The following GADL1 variants were observed in gnomAD, a reference collection of about 807,000 sequenced individuals.
GADL1 encodes GAD like acidic amino acid decarboxylase 1, also known as acidic amino acid decarboxylase GADL1.
In GADL1, 71 loss-of-function variants were observed where a neutral mutation model predicts 69.5. The ratio of observed to expected loss-of-function variants is 1.02; its 90% CI spans 0.84 to 1.25. The LOEUF is 1.25. GADL1 is among the 50% of genes most tolerant of loss of function. The pLI is 0.00. For missense variants in GADL1, 737 were observed against 631.8 expected (o/e 1.17, Z -1.79); for synonymous variants, 254 against 214.4 (o/e 1.18, Z -1.62).
At chr3:30,847,564 T>G (rs1410016715) in intron 6 of GADL1, among the ~76,000 whole-genome samples, 1 of 152,178 alleles carries the variant, frequency 6.6e-6, no homozygotes, top group Non-Finnish European at 1.5e-5. Context: ...AAAATATGAA[T>G]TAAAATAGTG....
chr3:30,793,394 AT>A (rs1696962170), intron 12 of GADL1, among the ~76,000 whole-genome samples: 1 of 46,266 alleles, frequency 2.2e-5, no homozygotes, highest in Non-Finnish European at 4.1e-5. Flanking sequence ...TAATAAACTA[AT>A]CTTATACATG....
At chr3:30,846,550 G>T (rs73823931) in intron 6 of GADL1, among the ~76,000 whole-genome samples, 5,828 of 151,542 alleles carry the variant, frequency 0.038, 364 homozygotes, top group African/African-American at 0.13. Context: ...AGAGAGAACG[G>T]GGTATATAAA....
In GADL1 at chr3:30,850,955, A is replaced by G; in HGVS notation, c.429-14T>C. ...TCATACGTATAACTAGATAGATATA[A>G]AAAACACTTCACTTCTATGACTAGA... On this transcript the variant is annotated splice_polypyrimidine_tract_variant and intron_variant, in intron 4 of 14. Coordinates refer to ENST00000282538, the MANE Select transcript of GADL1 (RefSeq NM_207359.3). 2 of 1,395,764 alleles carry G rather than the reference A, an allele frequency of 1.4e-6. No homozygotes were observed. The highest frequency in any genetic ancestry group is 2.0e-6 in the Non-Finnish European group (2 of 1,006,492). The allele number at this position is 1,395,764 out of a possible 1,614,324, so 86.5% of individuals were successfully genotyped here.
intron 14 of GADL1, among the ~76,000 whole-genome samples, chr3:30,768,046 CCT>C (rs1285086128): frequency 7.1e-6 from 1 of 140,400 alleles, no homozygotes; most frequent in African/African-American, 2.7e-5. Flanking sequence ...CCCCCCCCCC[CCT>C]TATCCTTATA....
chr3:30,762,207 C>CT (rs571838143), intron 14 of GADL1, among the ~76,000 whole-genome samples: 190 of 152,182 alleles, frequency 1.2e-3, no homozygotes, highest in African/African-American at 4.5e-3. Flanking sequence ...AGAAGAGGGG[C>CT]TTGGGGTAGT....
Position 30,758,726 on chromosome 3 carries a change from A to G in GADL1, c.1392+19453T>C, listed in dbSNP as rs142717165. Reference sequence around the variant, plus strand: ...TTTCATGGTGACTCCATTCAAGAGGACTCCATTGTATTTCCATAAAGCAAG... The same window carrying G: ...TTTCATGGTGACTCCATTCAAGAGGGCTCCATTGTATTTCCATAAAGCAAG... On this transcript the variant is annotated intron_variant, in intron 14 of 14. Coordinates refer to ENST00000282538, the MANE Select transcript of GADL1 (RefSeq NM_207359.3). Among the ~76,000 whole-genome samples the G allele has an allele frequency of 6.5e-3, 997 of 152,224 alleles. 11 individuals are homozygous for G. The highest frequency in any genetic ancestry group is 0.022 in the African/African-American group (929 of 41,552).
intron 14 of GADL1, among the ~76,000 whole-genome samples, chr3:30,777,150 T>C (rs1048799742): frequency 3.9e-5 from 6 of 152,286 alleles, no homozygotes; most frequent in African/African-American, 1.4e-4. Flanking sequence ...GTGCATAGTA[T>C]AGTGGACACT....
chr3:30,889,174 G>A (rs1698751356), intron 1 of GADL1, among the ~76,000 whole-genome samples: 1 of 150,878 alleles, frequency 6.6e-6, no homozygotes, highest in African/African-American at 2.4e-5. Context: ...CATGGCGGGA[G>A]GCAAAGGAAG....
chr3:30,764,993 GA>G (rs1221050912), intron 14 of GADL1, among the ~76,000 whole-genome samples: 1 of 152,068 alleles, frequency 6.6e-6, no homozygotes, highest in African/African-American at 2.4e-5. Flanking sequence ...GGAAAAGTCT[GA>G]CAATGCAGGT....
intron 14 of GADL1, among the ~76,000 whole-genome samples, chr3:30,747,578 A>G (rs1695726285): frequency 6.6e-6 from 1 of 152,208 alleles, no homozygotes; most frequent in Non-Finnish European, 1.5e-5. Flanking sequence ...GACAGTCTCC[A>G]ATATATTTTC....
At chr3:30,798,665 C>T (rs1575210773) in intron 12 of GADL1, 1 of 152,130 alleles carries the variant, frequency 6.6e-6, no homozygotes, top group East Asian at 1.9e-4. Context: ...CCCAACAGTC[C>T]CCTAAAGTCT....
intron 1 of GADL1, among the ~76,000 whole-genome samples, chr3:30,885,026 C>T (rs1698685046): frequency 6.6e-6 from 1 of 152,010 alleles, no homozygotes; most frequent in African/African-American, 2.4e-5. Context: ...GCTCTCCTGA[C>T]AAGCACCTAG....
intron 13 of GADL1, among the ~76,000 whole-genome samples, chr3:30,784,050 G>A (rs979869598): frequency 1.3e-5 from 2 of 151,990 alleles, no homozygotes; most frequent in African/African-American, 4.8e-5. Flanking sequence ...ACTCAAACCC[G>A]AGAAAATATA....
At chr3:30,733,181 A>G in intron 14 of GADL1, among the ~76,000 whole-genome samples, 1 of 152,220 alleles carries the variant, frequency 6.6e-6, no homozygotes, top group East Asian at 1.9e-4. Context: ...TAAAAATACA[A>G]GCCCAATTTT....
At chr3:30,770,919 C>A (rs1223176374) in intron 14 of GADL1, among the ~76,000 whole-genome samples, 1 of 152,174 alleles carries the variant, frequency 6.6e-6, no homozygotes, top group East Asian at 1.9e-4. Context: ...ATCCACAAAA[C>A]ACATCTATGA....
chr3:30,859,962 C>G (rs1212454917), intron 2 of GADL1, among the ~76,000 whole-genome samples: 1 of 151,764 alleles, frequency 6.6e-6, no homozygotes, highest in Admixed American at 6.6e-5. Context: ...TTATTAGTCC[C>G]CTGTGTGAGC....
chr3:30,789,756 C>T (rs1025261712), intron 12 of GADL1, among the ~76,000 whole-genome samples: 13 of 152,136 alleles, frequency 8.5e-5, no homozygotes, highest in Non-Finnish European at 7.4e-5. Context: ...CTTCTGCACT[C>T]GAACCTCATG....
At chr3:30,834,429 C>A in intron 9 of GADL1, 148 bp from the exon 10 acceptor site, 1 of 669,750 alleles carries the variant, frequency 1.5e-6, no homozygotes, top group East Asian at 2.8e-5. Context: ...CCAGGAAATT[C>A]TGATCACTGG....
At chr3:30,851,678 G>A (rs752768106) in intron 4 of GADL1, among the ~76,000 whole-genome samples, 39 of 152,220 alleles carry the variant, frequency 2.6e-4, no homozygotes, top group East Asian at 3.9e-4. Context: ...AGGCCTAGCC[G>A]TCTGGGCCTA....
Sources: gnomAD v4.1 joint callset for allele counts (sites outside exome capture counted in the v4.1 genomes callset) on GRCh38, gnomAD v4.1.1 for gene constraint, MANE v1.5 for transcripts, NCBI Gene and HGNC (gene_info 2026-07-23, HGNC 2026-07-21) for gene names.